The following SMAD3 variants were observed in gnomAD, a reference collection of about 807,000 sequenced individuals.
SMAD3 encodes the protein MAD homolog 3.
In SMAD3, 12 loss-of-function variants were observed where a neutral mutation model predicts 51.8. That is an observed-to-expected ratio of 0.23 (90% confidence interval 0.15 to 0.38). SMAD3 has a LOEUF of 0.38. SMAD3 is among the 10% of genes least tolerant of loss of function. The pLI is 1.00. For synonymous variants in SMAD3, 238 were observed against 227.7 expected (o/e 1.05, Z -0.41); for missense variants, 294 against 565.6 (o/e 0.52, Z 4.87).
At chr15:67,111,929 G>A (rs1490518998) in intron 1 of SMAD3, among the ~76,000 whole-genome samples, 2 of 150,964 alleles carry the variant, frequency 1.3e-5, no homozygotes, top group South Asian at 2.1e-4. Context: ...CTGGGATTAC[G>A]GGTGTGTGCC....
intron 1 of SMAD3, among the ~76,000 whole-genome samples, chr15:67,156,692 C>G (rs1011841426): frequency 2.2e-5 from 1 of 44,656 alleles, no homozygotes; most frequent in Non-Finnish European, 5.3e-5. Context: ...TGTTTATGCT[C>G]ACTCATGCTT....
chr15:67,102,711 T>C (rs903783998), intron 1 of SMAD3, among the ~76,000 whole-genome samples: 4 of 152,078 alleles, frequency 2.6e-5, no homozygotes, highest in African/African-American at 9.7e-5. Flanking sequence ...GGGAGTGACG[T>C]TGAATGGACT....
intron 1 of SMAD3, among the ~76,000 whole-genome samples, chr15:67,123,554 A>G (rs935093423): frequency 3.3e-5 from 5 of 152,246 alleles, no homozygotes; most frequent in Non-Finnish European, 7.3e-5. Context: ...AATTCCTAGC[A>G]TATTACAAGT....
intron 1 of SMAD3, among the ~76,000 whole-genome samples, chr15:67,086,570 A>G (rs2140209954): frequency 6.6e-6 from 1 of 152,324 alleles, no homozygotes; most frequent in Admixed American, 6.5e-5. Flanking sequence ...GAGGGCTTTC[A>G]CAGATGAAGG....
chr15:67,072,243 CTTG>C (rs1312353033), intron 1 of SMAD3, among the ~76,000 whole-genome samples: 2 of 152,132 alleles, frequency 1.3e-5, no homozygotes, highest in Admixed American at 1.3e-4. Flanking sequence ...TTAATTTTTA[CTTG>C]TTAATTTATT....
At chr15:67,164,316 G>GA (rs59880604) in intron 1 of SMAD3, among the ~76,000 whole-genome samples, 880 of 83,582 alleles carry the variant, frequency 0.011, 40 homozygotes, top group Admixed American at 0.031. Context: ...CTCCGTCTCA[G>GA]AAAAAAAAAA....
intron 1 of SMAD3, among the ~76,000 whole-genome samples, chr15:67,067,358 G>A (rs1959949101): frequency 6.6e-6 from 1 of 152,218 alleles, no homozygotes; most frequent in Admixed American, 6.5e-5. Context: ...TAGCTTAGAT[G>A]TGCCTGGCTG....
intron 1 of SMAD3, chr15:67,078,132 G>A (rs1364401500): frequency 6.6e-6 from 1 of 152,290 alleles, no homozygotes; most frequent in Admixed American, 6.5e-5. Context: ...ACTGTCAGGA[G>A]AGAAGACATG....
chr15:67,160,435 T>C (rs1962394280), intron 1 of SMAD3, among the ~76,000 whole-genome samples: 1 of 152,212 alleles, frequency 6.6e-6, no homozygotes, highest in Non-Finnish European at 1.5e-5. Flanking sequence ...TCTTCATATC[T>C]TTCTGGGTAG....
At chr15:67,068,224 T>G (rs1022812442) in intron 1 of SMAD3, among the ~76,000 whole-genome samples, 2 of 152,206 alleles carry the variant, frequency 1.3e-5, no homozygotes, top group Non-Finnish European at 2.9e-5. Context: ...TGAAAAGGCT[T>G]GAGTCATAGA....
intron 8 of SMAD3, among the ~76,000 whole-genome samples, chr15:67,188,717 T>C (rs187862479): frequency 2.6e-5 from 4 of 152,360 alleles, no homozygotes; most frequent in Admixed American, 2.0e-4. Context: ...TTTTTCCAGA[T>C]GTTTGGAATC....
chr15:67,083,649 G>A (rs1960323877), intron 1 of SMAD3, among the ~76,000 whole-genome samples: 1 of 152,160 alleles, frequency 6.6e-6, no homozygotes. Flanking sequence ...TGCTTTCAAT[G>A]TGGGGATATC....
At chr15:67,111,634 A>G (rs1205910051) in intron 1 of SMAD3, among the ~76,000 whole-genome samples, 1 of 152,194 alleles carries the variant, frequency 6.6e-6, no homozygotes, top group Non-Finnish European at 1.5e-5. Context: ...TGAGGGTTCC[A>G]GTTCTCCCCA....
chr15:67,184,845 C>T lies in SMAD3; in HGVS notation c.990C>T (p.Thr330=), dbSNP rs774470515. 9.1e-5 allele frequency: 147 copies of T among 1,613,032 alleles called. No homozygotes were observed. Among genetic ancestry groups the T allele is most frequent in the Middle Eastern group, 1.9e-4 (1 of 5,236 alleles). ...CNQRYGWHPA[T]VCKIPPGCNL... ...AGCGCTATGGCTGGCACCCGGCCAC[C>T]GTCTGCAAGATCCCACCAGGTAAAC... The change falls in exon 7 of 9, where the codon ACC becomes ACT. Residue 330 remains threonine (T), a synonymous_variant. Transcript: ENST00000327367.
intron 1 of SMAD3, among the ~76,000 whole-genome samples, chr15:67,084,057 T>C (rs1474801702): frequency 7.4e-6 from 1 of 134,580 alleles, no homozygotes; most frequent in Non-Finnish European, 1.5e-5. Context: ...GTTCTCAGAT[T>C]TTCTTTTTTT....
chr15:67,156,643 G>A (rs377331168), intron 1 of SMAD3, among the ~76,000 whole-genome samples: 39 of 152,310 alleles, frequency 2.6e-4, no homozygotes, highest in African/African-American at 8.2e-4. Flanking sequence ...CTAGTGTTGC[G>A]TAACAAAGCA....
chr15:67,192,764 GA>G lies in SMAD3; in HGVS notation c.*2237del, dbSNP rs573496525. On this transcript the variant is annotated 3_prime_UTR_variant, in exon 9 of 9. Coordinates refer to ENST00000327367, the MANE Select transcript of SMAD3 (RefSeq NM_005902.4). ...TCGTGTCTTACTCCAGGTGAAGGGG[GA>G]AAAAAAAAGCCTATACTTTGGCAGG... The G allele has an allele frequency of 7.9e-5, 18 of 227,840 alleles. No homozygotes were observed. The highest frequency in any genetic ancestry group is 1.1e-4 in the African/African-American group (5 of 44,674). The allele number at this position is 227,840 out of a possible 1,614,324, so 14.1% of individuals were successfully genotyped here. A position where few individuals can be genotyped will look rare whatever the true frequency, so the allele number is the denominator to read the frequency against.
At chr15:67,175,769 G>T (rs144624242) in intron 5 of SMAD3, among the ~76,000 whole-genome samples, 154 of 152,302 alleles carry the variant, frequency 1.0e-3, no homozygotes, top group African/African-American at 3.5e-3. Flanking sequence ...GTGGCAGGGC[G>T]GCCCGAAGAC....
At chr15:67,130,181 C>A (rs185685328) in intron 1 of SMAD3, among the ~76,000 whole-genome samples, 1 of 152,308 alleles carries the variant, frequency 6.6e-6, no homozygotes, top group Admixed American at 6.5e-5. Context: ...ATATCATGTG[C>A]ATTTTACAGA....
Sources: allele counts gnomAD v4.1 joint callset (sites outside exome capture counted in the v4.1 genomes callset), GRCh38; gene constraint gnomAD v4.1.1; transcripts MANE v1.5; gene names NCBI Gene and HGNC (gene_info 2026-07-23, HGNC 2026-07-21).